The following NRXN3 variants were observed in gnomAD, a reference collection of about 807,000 sequenced individuals.
NRXN3 encodes the protein neurexin 3, also known as neurexin III.
NRXN3 carries 32 observed loss-of-function variants against 137.6 expected under a neutral mutation model. The ratio of observed to expected loss-of-function variants is 0.23; its 90% CI spans 0.18 to 0.31. The LOEUF (loss-of-function observed/expected upper bound fraction) is 0.31. NRXN3 is among the 10% of genes least tolerant of loss of function. The pLI, the probability that NRXN3 is intolerant of heterozygous loss-of-function variation, is 1.00. For synonymous variants in NRXN3, 798 were observed against 784.5 expected, an observed-to-expected ratio of 1.02 and a Z score of -0.29; for missense variants, 1,574 against 2,062.5, an observed-to-expected ratio of 0.76 and a Z score of 4.59.
At chr14:78,996,870 C>T (rs1393097378) in intron 15 of NRXN3, among the ~76,000 whole-genome samples, 2 of 151,918 alleles carry the variant, frequency 1.3e-5, no homozygotes, top group Non-Finnish European at 2.9e-5. Flanking sequence ...TCCATGGAGC[C>T]AAAGGGAAGT....
At chr14:78,750,583 A>T (rs938256164) in intron 8 of NRXN3, among the ~76,000 whole-genome samples, 1 of 152,230 alleles carries the variant, frequency 6.6e-6, no homozygotes, top group Admixed American at 6.5e-5. Context: ...CAGAGAGATT[A>T]GACAAAGCAG....
At position 78,943,653 on chromosome 14, in the gene NRXN3, T is replaced by A. The variant is rs1368143291; in HGVS notation, c.2276-13589T>A. On this transcript the variant is annotated intron_variant, in intron 10 of 20. Coordinates refer to ENST00000335750, the MANE Select transcript of NRXN3 (RefSeq NM_001330195.2). ...ATATATATATATATATATATATATA[T>A]ATATATATATATATATATATATATA... Among the ~76,000 whole-genome samples, 554 of 74,942 alleles carry A rather than the reference T, an allele frequency of 7.4e-3. 49 individuals carry two copies. Among genetic ancestry groups the A allele is most frequent in the African/African-American group, 0.041 (516 of 12,592 alleles). 49.2% of individuals were successfully genotyped at this position (74,942 alleles called of 152,430 possible).
chr14:79,630,059 CAG>C (rs1456172087), intron 16 of NRXN3, among the ~76,000 whole-genome samples: 1 of 152,146 alleles, frequency 6.6e-6, no homozygotes, highest in Non-Finnish European at 1.5e-5. Context: ...CATAATAACA[CAG>C]AGTCAGCTCC....
intron 4 of NRXN3, among the ~76,000 whole-genome samples, chr14:78,643,117 C>T (rs1045270582): frequency 2.6e-5 from 4 of 152,148 alleles, no homozygotes; most frequent in African/African-American, 9.7e-5. Context: ...ATTAATTTAA[C>T]AATATGTAGT....
At chr14:78,674,391 C>A (rs1196824222) in intron 6 of NRXN3, among the ~76,000 whole-genome samples, 2 of 152,182 alleles carry the variant, frequency 1.3e-5, no homozygotes, top group African/African-American at 4.8e-5. Flanking sequence ...CTACTCCAAG[C>A]ACATTGAAAT....
intron 10 of NRXN3, among the ~76,000 whole-genome samples, chr14:78,943,040 G>A (rs1359465786): frequency 6.6e-6 from 1 of 152,106 alleles, no homozygotes; most frequent in Non-Finnish European, 1.5e-5. Flanking sequence ...AAACAGAGCT[G>A]AGGAAAGAAA....
At chr14:79,617,088 C>A (rs1353967235) in intron 16 of NRXN3, among the ~76,000 whole-genome samples, 3 of 152,138 alleles carry the variant, frequency 2.0e-5, no homozygotes, top group African/African-American at 7.2e-5. Flanking sequence ...CACATACTCA[C>A]TCACCAACCT....
At chr14:79,593,646 A>C (rs1013251426) in intron 16 of NRXN3, among the ~76,000 whole-genome samples, 2 of 151,820 alleles carry the variant, frequency 1.3e-5, no homozygotes, top group Non-Finnish European at 2.9e-5. Flanking sequence ...AAAAAAAAAA[A>C]AAAAAATTAC....
At chr14:78,985,929 T>C (rs2099502385) in intron 14 of NRXN3, among the ~76,000 whole-genome samples, 2 of 152,226 alleles carry the variant, frequency 1.3e-5, no homozygotes, top group Admixed American at 1.3e-4. Flanking sequence ...CAATAGGAGC[T>C]GCAGAAAGCC....
At chr14:78,237,121 T>C (rs1215203631) in intron 1 of NRXN3, among the ~76,000 whole-genome samples, 1 of 152,022 alleles carries the variant, frequency 6.6e-6, no homozygotes. Flanking sequence ...CATGGGCAAA[T>C]GGGTGTGGAG....
intron 15 of NRXN3, among the ~76,000 whole-genome samples, chr14:79,022,250 G>A (rs968724452): frequency 1.3e-5 from 2 of 152,138 alleles, no homozygotes; most frequent in Admixed American, 6.5e-5. Context: ...CAGGTTTACT[G>A]CAAGCTTTTG....
chr14:79,519,253 T>C (rs2097031649), intron 16 of NRXN3, among the ~76,000 whole-genome samples: 1 of 152,146 alleles, frequency 6.6e-6, no homozygotes, highest in Non-Finnish European at 1.5e-5. Flanking sequence ...TTTTCTGTGC[T>C]TATTTTCCAC....
intron 1 of NRXN3, among the ~76,000 whole-genome samples, chr14:78,232,128 G>C (rs931682203): frequency 6.6e-6 from 1 of 152,250 alleles, no homozygotes; most frequent in African/African-American, 2.4e-5. Flanking sequence ...ATACCTGTGA[G>C]GTGTGCCCGG....
At chr14:78,192,076 G>C (rs2060793133) in intron 1 of NRXN3, among the ~76,000 whole-genome samples, 1 of 135,488 alleles carries the variant, frequency 7.4e-6, no homozygotes, top group Admixed American at 7.1e-5. Context: ...GTGTGTGTGT[G>C]TGTGTGTGTG....
At chr14:78,359,809 T>A (rs1316233643) in intron 4 of NRXN3, among the ~76,000 whole-genome samples, 1 of 152,006 alleles carries the variant, frequency 6.6e-6, no homozygotes, top group Non-Finnish European at 1.5e-5. Context: ...CTGGTGTGAG[T>A]CTGTCTATCT....
intron 14 of NRXN3, among the ~76,000 whole-genome samples, chr14:78,987,019 CAAA>C (rs36081362): frequency 0.055 from 2,942 of 53,964 alleles, 62 homozygotes; most frequent in African/African-American, 0.13. Flanking sequence ...GAGACTGTCT[CAAA>C]AAAAAAAAAA....
chr14:78,924,168 GAACCCTGGAGGT>G (rs2099278601), intron 10 of NRXN3, among the ~76,000 whole-genome samples: 1 of 152,210 alleles, frequency 6.6e-6, no homozygotes, highest in Non-Finnish European at 1.5e-5. Flanking sequence ...AGAATCACTT[GAACCCTGGAGGT>G]GGAGGTTGCA....
At chr14:78,364,641 T>C (rs2153609987) in intron 4 of NRXN3, among the ~76,000 whole-genome samples, 1 of 152,310 alleles carries the variant, frequency 6.6e-6, no homozygotes, top group South Asian at 2.1e-4. Context: ...CTTTCATATG[T>C]TCATTGGCCT....
At chr14:79,264,362 T>A (rs1250163475) in intron 15 of NRXN3, among the ~76,000 whole-genome samples, 1 of 152,222 alleles carries the variant, frequency 6.6e-6, no homozygotes, top group African/African-American at 2.4e-5. Flanking sequence ...GTGCTGGGAT[T>A]ATAGGCATGA....
Sources: gnomAD v4.1 joint callset for allele counts (sites outside exome capture counted in the v4.1 genomes callset) on GRCh38, gnomAD v4.1.1 for gene constraint, MANE v1.5 for transcripts, NCBI Gene and HGNC (gene_info 2026-07-23, HGNC 2026-07-21) for gene names.